Variants in GSR observed in about 807,000 individuals in gnomAD.
GSR encodes glutathione-disulfide reductase.
In GSR, 48 loss-of-function variants were observed where a neutral mutation model predicts 56.5. The ratio of observed to expected loss-of-function variants is 0.85; its 90% confidence interval spans 0.67 to 1.08. GSR has a LOEUF of 1.08. GSR is among the 50% of genes least tolerant of loss of function. GSR has a pLI of 0.00. For synonymous variants in GSR, 264 were observed against 270.8 expected, an observed-to-expected ratio of 0.97 and a Z score of 0.25; for missense variants, 694 against 703.3, an observed-to-expected ratio of 0.99 and a Z score of 0.15.
Position 30,689,294 on chromosome 8 carries a change from G to A in GSR, c.908C>T (p.Ser303Leu), listed in dbSNP as rs373468210. ...AGTAACCATGCTGACTTCCAAGCCC[G>A]ACAAAGTCTTTTTAACCTCCTTGAC... ...SQVKEVKKTL[S>L]GLEVSMVTAV... The change falls in exon 9 of 13, where the codon TCG (serine) becomes TTG (leucine). Residue 303 changes from serine (S) to leucine (L), a missense_variant. Physicochemically the swap from Ser to Leu is moderately radical, Grantham distance 145. Coordinates refer to ENST00000221130, the MANE Select transcript of GSR (RefSeq NM_000637.5). 1.2e-5 allele frequency: 19 copies of A among 1,613,870 alleles called. No individual in the cohort carries two copies. The highest frequency in any genetic ancestry group is 6.7e-5 in the African/African-American group (5 of 74,918).
chr8:30,702,294 T>A (rs1803771473), intron 5 of GSR, among the ~76,000 whole-genome samples: 1 of 152,000 alleles, frequency 6.6e-6, no homozygotes, highest in South Asian at 2.1e-4. Flanking sequence ...CACTCCAGCC[T>A]GGGTGACAGA....
intron 8 of GSR, among the ~76,000 whole-genome samples, chr8:30,691,085 C>T (rs1040102090): frequency 1.3e-5 from 2 of 152,044 alleles, no homozygotes; most frequent in African/African-American, 2.4e-5. Flanking sequence ...AAGATAGAGG[C>T]CAGGCATGGT....
At chr8:30,686,184 A>T (rs1167985994) in intron 9 of GSR, among the ~76,000 whole-genome samples, 1 of 151,650 alleles carries the variant, frequency 6.6e-6, no homozygotes, top group Non-Finnish European at 1.5e-5. Flanking sequence ...CATTCTCCCT[A>T]CACCATAGAG....
intron 11 of GSR, among the ~76,000 whole-genome samples, chr8:30,681,674 CTTTAAA>C (rs1207688073): frequency 6.6e-6 from 1 of 151,562 alleles, no homozygotes; most frequent in Non-Finnish European, 1.5e-5. Context: ...TAGAGCTTTT[CTTTAAA>C]TTTAAAATTA....
At chr8:30,683,968 C>T (rs1424255669) in intron 10 of GSR, 120 bp downstream of exon 10, 1 of 764,562 alleles carries the variant, frequency 1.3e-6, no homozygotes, top group African/African-American at 1.7e-5. Flanking sequence ...ACCATTTTGA[C>T]AATATAAAGA....
chr8:30,686,204 C>T (rs1442661636), intron 9 of GSR, among the ~76,000 whole-genome samples: 1 of 151,790 alleles, frequency 6.6e-6, no homozygotes, highest in Non-Finnish European at 1.5e-5. Context: ...GTTTACAGCC[C>T]AGTAAATTAT....
chr8:30,725,738 C>A (rs1376543794), intron 1 of GSR, among the ~76,000 whole-genome samples: 1 of 151,164 alleles, frequency 6.6e-6, no homozygotes, highest in South Asian at 2.1e-4. Context: ...AAAAACTAGC[C>A]GGGCATGGTG....
Position 30,695,719 on chromosome 8 carries a change from T to C in GSR, c.795+661A>G, listed in dbSNP as rs570021440. Among the ~76,000 whole-genome samples, 7 of 152,264 alleles carry C rather than the reference T, an allele frequency of 4.6e-5. No individual in the cohort carries two copies. The South Asian group carries it at 6.2e-4, about 14-fold the overall frequency. ...GTGGTAACAATCTAACATTACTTGA[T>C]CATATAAAATTGATTTCCAGAAATT... On this transcript the variant is annotated intron_variant, in intron 7 of 12. Coordinates refer to ENST00000221130, the MANE Select transcript of GSR (RefSeq NM_000637.5).
chr8:30,680,381 G>GTTTTGTTTTTTT (rs1480095900), intron 12 of GSR, among the ~76,000 whole-genome samples: 2 of 33,378 alleles, frequency 6.0e-5, no homozygotes, highest in Admixed American at 3.8e-4. Context: ...GGCCTCTCCT[G>GTTTTGTTTTTTT]TTTTTTTTTT....
rs1288165538 is a variant in GSR at position 30,678,304 on chromosome 8, CT to C, written c.*1215del. 2.7e-5 allele frequency: 4 copies of C among 150,140 alleles called. No homozygotes were observed. The highest frequency in any genetic ancestry group is 5.9e-5 in the Non-Finnish European group (4 of 67,704). The allele number at this position is 150,140 out of a possible 1,614,324, so 9.3% of individuals were successfully genotyped here. A position where few individuals can be genotyped will look rare whatever the true frequency, so the allele number is the denominator to read the frequency against. On this transcript the variant is annotated 3_prime_UTR_variant, in exon 13 of 13. Transcript: ENST00000221130. The stretch of plus-strand genomic sequence containing the variant: ...CAGGAGGTTCCCAGCCTCCTCAAAT[CT>C]TTCCCAAGTTTGATGCACTTCACCT...
In GSR at chr8:30,679,449, T is replaced by A. The variant is rs1212847603; in HGVS notation, c.*71A>T. On this transcript the variant is annotated 3_prime_UTR_variant, in exon 13 of 13. Coordinates refer to ENST00000221130, the MANE Select transcript of GSR (RefSeq NM_000637.5). ...AAATACATAAAACTCAAACAGTAAG[T>A]CAATGTGATTATTTGTTTCATTTCA... is the stretch of plus-strand genomic sequence containing the variant. 6.4e-6 allele frequency: 9 copies of A among 1,407,328 alleles called. No homozygotes were observed. In the African/African-American group the frequency reaches 7.0e-5, roughly 11 times the overall value. 87.2% of individuals were successfully genotyped at this position (1,407,328 alleles called of 1,614,324 possible). A position where few individuals can be genotyped will look rare whatever the true frequency, so the allele number is the denominator to read the frequency against.
intron 1 of GSR, among the ~76,000 whole-genome samples, chr8:30,723,805 CACACACACACACA>C (rs1804634147): frequency 6.6e-6 from 1 of 151,390 alleles, no homozygotes; most frequent in Non-Finnish European, 1.5e-5. Flanking sequence ...CACACACACA[CACACACACACACA>C]CCCAGGTCTG....
rs375584534 is a variant in GSR at position 30,709,800 on chromosome 8, G to A, written c.422+14C>T. 3 of 1,403,420 alleles carry A rather than the reference G, an allele frequency of 2.1e-6. No individual in the cohort carries two copies. Among genetic ancestry groups the A allele is most frequent in the African/African-American group, 2.8e-5 (2 of 70,636 alleles). The allele number at this position is 1,403,420 out of a possible 1,614,324, so 86.9% of individuals were successfully genotyped here. A position where few individuals can be genotyped will look rare whatever the true frequency, so the allele number is the denominator to read the frequency against. On this transcript the variant is annotated intron_variant, in intron 3 of 12. Coordinates refer to ENST00000221130, the MANE Select transcript of GSR (RefSeq NM_000637.5). ...TACACTTGGAAACTGAACCCTCTGA[G>A]TGTTGACACTTACCGCCAATTGAAT...
rs1200989315 is a variant in GSR at position 30,710,072 on chromosome 8, T to G, written c.334-170A>C. Reference sequence around the variant, plus strand: ...AGCTCACGTCTGTAATCCCAGCACTTTGGGAGCCCGAGGCAGGTGGATCAC... The same window carrying G: ...AGCTCACGTCTGTAATCCCAGCACTGTGGGAGCCCGAGGCAGGTGGATCAC... On this transcript the variant is annotated intron_variant, in intron 2 of 12. Transcript: ENST00000221130. Among the ~76,000 whole-genome samples, 4 of 152,242 alleles carry G rather than the reference T, an allele frequency of 2.6e-5. No homozygotes were observed. The East Asian group carries it at 5.8e-4, about 22-fold the overall frequency.
intron 6 of GSR, 90 bp downstream of exon 6, chr8:30,699,991 C>T (rs1156700442): frequency 2.2e-6 from 2 of 904,692 alleles, no homozygotes; most frequent in Admixed American, 1.7e-5. Flanking sequence ...GAAAGGCCTA[C>T]ATTAAATGCT....
intron 7 of GSR, among the ~76,000 whole-genome samples, chr8:30,694,258 A>C (rs1373242510): frequency 6.6e-6 from 1 of 152,150 alleles, no homozygotes; most frequent in Non-Finnish European, 1.5e-5. Context: ...CTTGGTAGTC[A>C]GGGATCTGAT....
chr8:30,704,966 A>G (rs1296962915), intron 4 of GSR: 1 of 152,202 alleles, frequency 6.6e-6, no homozygotes, highest in African/African-American at 2.4e-5. Flanking sequence ...TATTAGATAG[A>G]AAGTTTCCTT....
rs1357391618 is a variant in GSR at position 30,679,712 on chromosome 8, T to G, written c.1420-43A>C. The G allele has an allele frequency of 3.1e-6, 5 of 1,587,392 alleles. No individual in the cohort carries two copies. The African/African-American group carries it at 6.8e-5, about 21-fold the overall frequency. The stretch of plus-strand genomic sequence containing the variant: ...ACATTTTCTTTTCTTTCTTCTTTTT[T>G]TTTTTTTTTTGAGACGGAGTTTCAC... On this transcript the variant is annotated intron_variant, in intron 12 of 12. Coordinates refer to ENST00000221130, the MANE Select transcript of GSR (RefSeq NM_000637.5).
At chr8:30,699,663 C>T (rs1001305736) in intron 6 of GSR, among the ~76,000 whole-genome samples, 5 of 151,612 alleles carry the variant, frequency 3.3e-5, no homozygotes, top group Non-Finnish European at 7.4e-5. Context: ...AGGCTGGTCT[C>T]GAGCTCCTGA....
Sources: gnomAD v4.1 joint callset for allele counts (sites outside exome capture counted in the v4.1 genomes callset) on GRCh38, gnomAD v4.1.1 for gene constraint, MANE v1.5 for transcripts, NCBI Gene and HGNC (gene_info 2026-07-23, HGNC 2026-07-21) for gene names.